RYR3: variants seen among roughly 807,000 people sequenced by gnomAD.
RYR3 encodes brain ryanodine receptor-calcium release channel.
In RYR3, 207 loss-of-function variants were observed where a neutral mutation model predicts 584.3. The ratio of observed to expected loss-of-function variants is 0.35; its 90% CI spans 0.32 to 0.40. The LOEUF (loss-of-function observed/expected upper bound fraction) is 0.40. Among genes scored for constraint, RYR3 ranks in the 10% least tolerant of loss-of-function variants. The pLI is 1.00. For synonymous variants in RYR3, 2,416 were observed against 2,248.5 expected (o/e 1.07, Z -2.11); for missense variants, 5,616 against 6,089.2 (o/e 0.92, Z 2.59).
In RYR3 at chr15:33,838,676, G is replaced by T. The variant is rs1312741458; in HGVS notation, c.12696G>T (p.Leu4232=). 6 of 1,613,952 alleles carry T rather than the reference G, an allele frequency of 3.7e-6. No individual in the cohort carries two copies. The highest frequency in any genetic ancestry group is 5.1e-6 in the Non-Finnish European group (6 of 1,179,882). Residue 4232 remains leucine (L), a synonymous_variant, in exon 89 of 104, where the codon CTG becomes CTT. Transcript: ENST00000634891. ...GAKNIRVTKI[L]GDMPDPTQFG... is the part of the protein sequence containing the mutation. ...AGAACATCAGAGTGACCAAGATCCT[G>T]GGTGACATGCCTGACCCAACCCAAT... is the stretch of plus-strand genomic sequence containing the variant.
chr15:33,568,490 G>A (rs890860883), intron 12 of RYR3, among the ~76,000 whole-genome samples: 7 of 148,086 alleles, frequency 4.7e-5, no homozygotes, highest in Admixed American at 1.3e-4. Flanking sequence ...TTTTTTGTTT[G>A]AGATAGGGTC....
At chr15:33,618,650 T>C (rs1160231487) in intron 19 of RYR3, among the ~76,000 whole-genome samples, 3 of 152,236 alleles carry the variant, frequency 2.0e-5, no homozygotes, top group African/African-American at 7.2e-5. Context: ...ACAGCTTGTA[T>C]CCTTTTCTTC....
At chr15:33,555,587 A>G (rs1451553140) in intron 10 of RYR3, among the ~76,000 whole-genome samples, 2 of 152,166 alleles carry the variant, frequency 1.3e-5, no homozygotes, top group Non-Finnish European at 2.9e-5. Flanking sequence ...GCTCTGCCAT[A>G]TGCTGTTCAT....
intron 16 of RYR3, among the ~76,000 whole-genome samples, chr15:33,586,438 G>A (rs1425113005): frequency 6.6e-6 from 1 of 152,144 alleles, no homozygotes; most frequent in Non-Finnish European, 1.5e-5. Context: ...TTCACCCTAG[G>A]ATCCAGGAAC....
chr15:33,643,754 T>G (rs2061955923), intron 27 of RYR3, among the ~76,000 whole-genome samples: 1 of 152,164 alleles, frequency 6.6e-6, no homozygotes, highest in Admixed American at 6.5e-5. Context: ...TAAATAAATT[T>G]TATTTTGTAT....
chr15:33,359,580 C>A (rs561351019), intron 1 of RYR3, among the ~76,000 whole-genome samples: 2 of 151,790 alleles, frequency 1.3e-5, no homozygotes, highest in Non-Finnish European at 2.9e-5. Flanking sequence ...TTTAGAGAGG[C>A]CTTCCCTGAC....
At chr15:33,511,899 C>A (rs2053053057) in intron 3 of RYR3, among the ~76,000 whole-genome samples, 1 of 152,070 alleles carries the variant, frequency 6.6e-6, no homozygotes, top group East Asian at 1.9e-4. Flanking sequence ...CTGCCTCAGC[C>A]TCCCGAGTAG....
Position 33,854,468 on chromosome 15 carries a change from A to G in RYR3, c.13860+19A>G, listed in dbSNP as rs2079433706. 3 of 1,548,878 alleles carry G rather than the reference A, an allele frequency of 1.9e-6. No individual in the cohort carries two copies. The East Asian group carries it at 7.0e-5, about 36-fold the overall frequency. ...TGACAACGTAAGTACTGCACCTGGA[A>G]AAACAAAATTCTATACCCCAGTTCA... On this transcript the variant is annotated intron_variant, in intron 97 of 103. Transcript: ENST00000634891.
chr15:33,442,307 T>A (rs780165517), intron 1 of RYR3, among the ~76,000 whole-genome samples: 3 of 152,184 alleles, frequency 2.0e-5, no homozygotes, highest in Admixed American at 2.0e-4. Flanking sequence ...CCACCATGAA[T>A]TAATTACATT....
At chr15:33,531,651 T>A (rs994854539) in intron 4 of RYR3, among the ~76,000 whole-genome samples, 8 of 151,576 alleles carry the variant, frequency 5.3e-5, no homozygotes, top group African/African-American at 1.7e-4. Flanking sequence ...ATATATATTT[T>A]TTTTTCTGAG....
chr15:33,352,112 CT>C (rs1973355228), intron 1 of RYR3, among the ~76,000 whole-genome samples: 1 of 152,158 alleles, frequency 6.6e-6, no homozygotes, highest in South Asian at 2.1e-4. Flanking sequence ...TGTGTACCTT[CT>C]TTAGTGAAGT....
At chr15:33,787,055 C>T (rs1300949129) in intron 66 of RYR3, among the ~76,000 whole-genome samples, 1 of 152,172 alleles carries the variant, frequency 6.6e-6, no homozygotes, top group Non-Finnish European at 1.5e-5. Context: ...AATCTCCTCC[C>T]TTACCTCCCT....
intron 3 of RYR3, among the ~76,000 whole-genome samples, chr15:33,525,679 GCTTT>G (rs2054333829): frequency 6.6e-6 from 1 of 152,128 alleles, no homozygotes. Context: ...CTTTCATTAT[GCTTT>G]CTAACTGAAT....
intron 102 of RYR3, among the ~76,000 whole-genome samples, chr15:33,862,757 C>T (rs974385585): frequency 2.0e-5 from 3 of 152,112 alleles, no homozygotes; most frequent in Non-Finnish European, 4.4e-5. Context: ...ACTACAGGCA[C>T]CTGCCACCAT....
chr15:33,540,914 G>A, intron 7 of RYR3, 24 bp downstream of exon 7: 1 of 1,448,874 alleles, frequency 6.9e-7, no homozygotes, highest in South Asian at 1.1e-5. Context: ...AATGCATTTA[G>A]CCCTGAGCCT....
chr15:33,468,251 A>G (rs1429136718), intron 1 of RYR3, among the ~76,000 whole-genome samples: 1 of 152,204 alleles, frequency 6.6e-6, no homozygotes, highest in Non-Finnish European at 1.5e-5. Context: ...ATGGTAGCAC[A>G]TGGTGACTGG....
chr15:33,331,726 G>C (rs1337904221), intron 1 of RYR3, among the ~76,000 whole-genome samples: 1 of 151,830 alleles, frequency 6.6e-6, no homozygotes, highest in African/African-American at 2.4e-5. Flanking sequence ...AATAAAAATG[G>C]TCATAAAAAG....
At position 33,853,413 on chromosome 15, in the gene RYR3, C is replaced by G. The variant is rs578245553; in HGVS notation, c.13672-142C>G. On this transcript the variant is annotated intron_variant, in intron 95 of 103. Coordinates refer to ENST00000634891, the MANE Select transcript of RYR3 (RefSeq NM_001036.6). ...CATTGCTTTTTTCTCTGGGTTTTCT[C>G]TTTTTTCTGCATTTTGAACTATGTC... 8.8e-6 allele frequency: 10 copies of G among 1,137,910 alleles called. No individual in the cohort carries two copies. In the East Asian group the frequency reaches 2.4e-4, roughly 27 times the overall value. 70.5% of individuals were successfully genotyped at this position (1,137,910 alleles called of 1,614,324 possible).
At chr15:33,683,979 A>T (rs1290105033) in intron 38 of RYR3, among the ~76,000 whole-genome samples, 3 of 152,268 alleles carry the variant, frequency 2.0e-5, no homozygotes, top group Non-Finnish European at 2.9e-5. Context: ...CGAAGCAGCC[A>T]GGAAGCTCGA....
Sources: gnomAD v4.1 joint callset for allele counts (sites outside exome capture counted in the v4.1 genomes callset) on GRCh38, gnomAD v4.1.1 for gene constraint, MANE v1.5 for transcripts, NCBI Gene and HGNC (gene_info 2026-07-23, HGNC 2026-07-21) for gene names.